The following GRIP1 variants were observed in gnomAD, a reference collection of about 807,000 sequenced individuals.
The protein encoded by GRIP1 is glutamate receptor interacting protein 1.
Under a neutral mutation model 129.9 loss-of-function variants are expected in GRIP1, and 45 were observed. The ratio of observed to expected loss-of-function variants is 0.35; its 90% CI spans 0.27 to 0.44. GRIP1 has a LOEUF of 0.44. GRIP1 is among the 20% of genes least tolerant of loss of function. The probability of loss-of-function intolerance (pLI) is 1.00; values close to 1 mark genes in which losing one functional copy is unlikely to be tolerated. For synonymous variants in GRIP1, 530 were observed against 520.8 expected (o/e 1.02, Z -0.24); for missense variants, 1,196 against 1,396.8 (o/e 0.86, Z 2.29).
At chr12:66,382,296 G>GATC (rs2056147046) in intron 19 of GRIP1, among the ~76,000 whole-genome samples, 1 of 152,054 alleles carries the variant, frequency 6.6e-6, no homozygotes, top group Admixed American at 6.5e-5. Context: ...AGGCTAAGAG[G>GATC]ATCCCTTGAG....
At chr12:66,769,430 A>C (rs2037748576) in intron 1 of GRIP1, among the ~76,000 whole-genome samples, 1 of 152,012 alleles carries the variant, frequency 6.6e-6, no homozygotes, top group Non-Finnish European at 1.5e-5. Flanking sequence ...ATGCTTATGA[A>C]ACAGTTCTCC....
chr12:66,867,608 A>G (rs1403923832), intron 1 of GRIP1, among the ~76,000 whole-genome samples: 1 of 152,158 alleles, frequency 6.6e-6, no homozygotes, highest in Non-Finnish European at 1.5e-5. Flanking sequence ...TCTTGTCAAC[A>G]TCTAATATAT....
intron 1 of GRIP1, among the ~76,000 whole-genome samples, chr12:66,899,359 T>C (rs1267605889): frequency 6.6e-6 from 1 of 151,712 alleles, no homozygotes; most frequent in Admixed American, 6.6e-5. Context: ...TCCTGTCCCA[T>C]GTGAAAAAAA....
intron 1 of GRIP1, among the ~76,000 whole-genome samples, chr12:66,662,094 T>C (rs1256350857): frequency 1.3e-5 from 2 of 152,122 alleles, no homozygotes; most frequent in African/African-American, 2.4e-5. Context: ...CTTGGAAGAA[T>C]TAAGAAAACA....
chr12:66,635,219 ACAACCC>A (rs1405030910), intron 1 of GRIP1, among the ~76,000 whole-genome samples: 1 of 152,088 alleles, frequency 6.6e-6, no homozygotes, highest in African/African-American at 2.4e-5. Flanking sequence ...GGGGTTCAAG[ACAACCC>A]TAGGCAACAT....
intron 1 of GRIP1, among the ~76,000 whole-genome samples, chr12:66,924,942 C>A (rs1035920355): frequency 6.6e-6 from 1 of 152,170 alleles, no homozygotes; most frequent in Non-Finnish European, 1.5e-5. Flanking sequence ...TGCACTCTAG[C>A]CTGGGCGACA....
At chr12:66,692,924 C>T (rs556112121) in intron 1 of GRIP1, among the ~76,000 whole-genome samples, 1 of 152,204 alleles carries the variant, frequency 6.6e-6, no homozygotes, top group Admixed American at 6.5e-5. Context: ...GCTGAGGAGT[C>T]CTGACCTAGA....
At chr12:66,965,549 T>TTATG (rs1246467639) in intron 1 of GRIP1, among the ~76,000 whole-genome samples, 2 of 128,252 alleles carry the variant, frequency 1.6e-5, no homozygotes, top group Non-Finnish European at 3.2e-5. Flanking sequence ...AAAAGAAACA[T>TTATG]TGTGTGTGTG....
intron 1 of GRIP1, among the ~76,000 whole-genome samples, chr12:66,694,522 G>A (rs944145031): frequency 3.3e-5 from 5 of 151,958 alleles, no homozygotes; most frequent in Admixed American, 6.6e-5. Context: ...TGCTCAGTAC[G>A]TATTATTATA....
At chr12:66,888,337 AG>A (rs756205415) in intron 1 of GRIP1, among the ~76,000 whole-genome samples, 2 of 152,046 alleles carry the variant, frequency 1.3e-5, no homozygotes, top group Non-Finnish European at 2.9e-5. Context: ...CTAGGATTAC[AG>A]GCATGAACCA....
intron 2 of GRIP1, among the ~76,000 whole-genome samples, chr12:66,575,709 C>T (rs1454126544): frequency 6.6e-6 from 1 of 152,118 alleles, no homozygotes; most frequent in Non-Finnish European, 1.5e-5. Flanking sequence ...GTTCTGTAGT[C>T]CCAAATAAGA....
At chr12:66,534,715 A>G (rs1356793516) in intron 4 of GRIP1, among the ~76,000 whole-genome samples, 1 of 148,932 alleles carries the variant, frequency 6.7e-6, no homozygotes, top group East Asian at 2.0e-4. Flanking sequence ...TCTTTTTGAG[A>G]TGGAGTCTTG....
intron 1 of GRIP1, among the ~76,000 whole-genome samples, chr12:67,030,044 CA>C (rs11330637): frequency 0.56 from 74,896 of 132,698 alleles, 20,983 homozygotes; most frequent in African/African-American, 0.62. Context: ...ACTAAAAATA[CA>C]AAAAAAAAAA....
chr12:67,021,590 C>A (rs1214131006), intron 1 of GRIP1, among the ~76,000 whole-genome samples: 1 of 152,086 alleles, frequency 6.6e-6, no homozygotes, highest in Non-Finnish European at 1.5e-5. Context: ...ATGATCAAAT[C>A]AGAGCAATTA....
At chr12:66,905,481 T>C (rs2040916267) in intron 1 of GRIP1, among the ~76,000 whole-genome samples, 2 of 152,238 alleles carry the variant, frequency 1.3e-5, no homozygotes, top group South Asian at 4.1e-4. Context: ...TAAGATAATC[T>C]TAACTCTGTT....
At chr12:66,604,456 C>T (rs1051386832) in intron 1 of GRIP1, among the ~76,000 whole-genome samples, 3 of 152,164 alleles carry the variant, frequency 2.0e-5, no homozygotes, top group Admixed American at 6.6e-5. Context: ...TGCCTCATCA[C>T]CGAAGAATCA....
chr12:66,520,837 A>G (rs749011858), intron 5 of GRIP1, among the ~76,000 whole-genome samples: 3 of 152,254 alleles, frequency 2.0e-5, no homozygotes, highest in Admixed American at 2.0e-4. Flanking sequence ...CTGCAACAGC[A>G]GTATATTTTG....
At chr12:67,022,359 T>C (rs1028819689) in intron 1 of GRIP1, among the ~76,000 whole-genome samples, 1 of 152,252 alleles carries the variant, frequency 6.6e-6, no homozygotes, top group African/African-American at 2.4e-5. Flanking sequence ...TTTGGGTTGT[T>C]TGCAGTTTCA....
At chr12:66,943,307 G>C (rs1416623211) in intron 1 of GRIP1, among the ~76,000 whole-genome samples, 1 of 152,204 alleles carries the variant, frequency 6.6e-6, no homozygotes, top group Non-Finnish European at 1.5e-5. Flanking sequence ...AGATGGGAAA[G>C]CTTGAGAAAT....
Sources: gnomAD v4.1 joint callset for allele counts (sites outside exome capture counted in the v4.1 genomes callset) on GRCh38, gnomAD v4.1.1 for gene constraint, MANE v1.5 for transcripts, NCBI Gene and HGNC (gene_info 2026-07-23, HGNC 2026-07-21) for gene names.